CD2AP: variants seen among roughly 807,000 people sequenced by gnomAD.
CD2AP encodes the protein CD2 associated protein, also known as CD2-associated protein.
CD2AP carries 46 observed loss-of-function variants against 85.1 expected under a neutral mutation model. The observed-to-expected ratio is 0.54, with a 90% confidence interval of 0.43 to 0.69. The LOEUF (loss-of-function observed/expected upper bound fraction) is 0.69. Among genes scored for constraint, CD2AP ranks in the 30% least tolerant of loss-of-function variants. The probability of loss-of-function intolerance (pLI) is 0.00; values close to 1 mark genes in which losing one functional copy is unlikely to be tolerated. For missense variants in CD2AP, 769 were observed against 729.5 expected (o/e 1.05, Z -0.62); for synonymous variants, 255 against 252.9 (o/e 1.01, Z -0.08).
intron 17 of CD2AP, among the ~76,000 whole-genome samples, chr6:47,615,779 TTTAATTTAATTTAA>T (rs1769562286): frequency 9.3e-5 from 8 of 85,824 alleles, no homozygotes; most frequent in South Asian, 5.3e-4. Context: ...TAATTTTAAT[TTTAATTTAATTTAA>T]TTTATTTATT....
At chr6:47,566,323 TACAC>T (rs1428713911) in intron 5 of CD2AP, among the ~76,000 whole-genome samples, 45 of 108,260 alleles carry the variant, frequency 4.2e-4, no homozygotes, top group East Asian at 9.5e-4. Flanking sequence ...TATATATATA[TACAC>T]ATACACATAT....
At chr6:47,608,602 A>T (rs1014497095) in intron 15 of CD2AP, among the ~76,000 whole-genome samples, 1 of 152,154 alleles carries the variant, frequency 6.6e-6, no homozygotes, top group African/African-American at 2.4e-5. Flanking sequence ...AATACACTTA[A>T]TCTGATTCTC....
intron 5 of CD2AP, among the ~76,000 whole-genome samples, chr6:47,561,472 CTTTTT>C (rs200178991): frequency 6.9e-6 from 1 of 145,110 alleles, no homozygotes; most frequent in African/African-American, 2.5e-5. Context: ...TCAAGGCAAA[CTTTTT>C]TTTTTTTTAA....
Position 47,624,189 on chromosome 6 carries a change from G to GA in CD2AP, c.1885dup (p.Ile629AsnfsTer34). On this transcript the variant is annotated frameshift_variant, in exon 18 of 18. Transcript: ENST00000359314. LOFTEE classifies it high-confidence loss of function. ...CAATTTATGTTTTTTGTTTTAGATG[G>GA]AAATAGAGAAGCTGAAAAAAGCTGT... 1 of 1,609,870 alleles carries GA rather than the reference G, an allele frequency of 6.2e-7. No individual in the cohort carries two copies. The highest frequency in any genetic ancestry group is 8.5e-7 in the Non-Finnish European group (1 of 1,176,336).
At chr6:47,607,485 A>G (rs1245808603) in intron 14 of CD2AP, among the ~76,000 whole-genome samples, 1 of 152,122 alleles carries the variant, frequency 6.6e-6, no homozygotes, top group African/African-American at 2.4e-5. Flanking sequence ...TCTTTTGGAT[A>G]AAAACCATTT....
chr6:47,518,545 C>T (rs1766508718), intron 2 of CD2AP, among the ~76,000 whole-genome samples: 1 of 152,068 alleles, frequency 6.6e-6, no homozygotes. Flanking sequence ...CTCTTTTTAC[C>T]TGTTGGTGGA....
chr6:47,512,902 C>T lies in CD2AP; in HGVS notation c.165+9462C>T, dbSNP rs566070169. ...ACACTTACATAATTGTTTCACATTGCACCTTTTCTTTATATTTAATGTGAG... is the reference window on the plus strand; with the variant it reads ...ACACTTACATAATTGTTTCACATTGTACCTTTTCTTTATATTTAATGTGAG... On this transcript the variant is annotated intron_variant, in intron 2 of 17. Coordinates refer to ENST00000359314, the MANE Select transcript of CD2AP (RefSeq NM_012120.3). 2.6e-5 allele frequency among the ~76,000 whole-genome samples: 4 copies of T among 152,282 alleles called. No homozygotes were observed. In the East Asian group the frequency reaches 7.7e-4, roughly 29 times the overall value.
intron 1 of CD2AP, 62 bp downstream of exon 1, chr6:47,478,310 C>T (rs1765357975): frequency 1.9e-6 from 3 of 1,550,236 alleles, no homozygotes; most frequent in Admixed American, 1.9e-5. Context: ...GAGGCTGTGC[C>T]CTTTCTCGGC....
chr6:47,582,195 T>C, intron 11 of CD2AP, 130 bp downstream of exon 11: 1 of 663,384 alleles, frequency 1.5e-6, no homozygotes, highest in Non-Finnish European at 2.8e-6. Context: ...TAACAATGCT[T>C]GGAGTTTTCT....
intron 4 of CD2AP, chr6:47,545,065 A>G: frequency 5.2e-6 from 1 of 193,954 alleles, no homozygotes; most frequent in South Asian, 9.6e-5. Context: ...CCTTGTTTGA[A>G]TTATCACATT....
At chr6:47,555,180 T>A (rs926958611) in intron 5 of CD2AP, among the ~76,000 whole-genome samples, 1 of 152,218 alleles carries the variant, frequency 6.6e-6, no homozygotes, top group Non-Finnish European at 1.5e-5. Context: ...ATTTTGTTTA[T>A]TCTGGGCAGC....
At chr6:47,532,721 C>T (rs1002396958) in intron 2 of CD2AP, among the ~76,000 whole-genome samples, 5 of 152,136 alleles carry the variant, frequency 3.3e-5, no homozygotes, top group Middle Eastern at 3.2e-3. Context: ...GAAGTATTTT[C>T]ACTGTTCTTA....
intron 1 of CD2AP, among the ~76,000 whole-genome samples, chr6:47,479,777 A>T (rs970425005): frequency 6.6e-6 from 1 of 152,204 alleles, no homozygotes; most frequent in African/African-American, 2.4e-5. Flanking sequence ...TTTTGAGCTA[A>T]ATTCTAAATA....
At chr6:47,601,753 C>T (rs1462086429) in intron 13 of CD2AP, among the ~76,000 whole-genome samples, 8 of 151,854 alleles carry the variant, frequency 5.3e-5, no homozygotes. Flanking sequence ...TGAAACTAGC[C>T]TTTTTAATAT....
In CD2AP at chr6:47,588,852, T is replaced by C. The variant is rs76482258; in HGVS notation, c.1108+6787T>C. On this transcript the variant is annotated intron_variant, in intron 11 of 17. Transcript: ENST00000359314. ...GGAAAACCTCTCCCCAACCATAGAATGTAAGTCCTTTCAGTTTCTTGGACC... is the reference window on the plus strand; with the variant it reads ...GGAAAACCTCTCCCCAACCATAGAACGTAAGTCCTTTCAGTTTCTTGGACC... 9.0e-3 allele frequency among the ~76,000 whole-genome samples: 1,371 copies of C among 152,200 alleles called. 22 individuals carry two copies. Among genetic ancestry groups the C allele is most frequent in the African/African-American group, 0.031 (1,299 of 41,546 alleles).
In CD2AP at chr6:47,609,143, A is replaced by T; in HGVS notation, c.1653A>T (p.Thr551=). The T allele has an allele frequency of 6.2e-7, 1 of 1,613,212 alleles. No homozygotes were observed. Among genetic ancestry groups the T allele is most frequent in the East Asian group, 2.2e-5 (1 of 44,798 alleles). The change falls in exon 16 of 18, where the codon ACA becomes ACT. Residue 551 remains threonine, a synonymous_variant. Transcript: ENST00000359314. ...TTCAGCCATCTGTGTACCTTTCAAC[A>T]CCTTCCAGTGCTTCTAAAGCAAATA... ...YSPKPSVYLS[T]PSSASKANTT...
At position 47,548,238 on chromosome 6, in the gene CD2AP, A is replaced by G. The variant is rs1767418177; in HGVS notation, c.420+3532A>G. 2.6e-5 allele frequency among the ~76,000 whole-genome samples: 4 copies of G among 152,128 alleles called. 1 individual carries two copies. In the South Asian group the frequency reaches 8.3e-4, roughly 32 times the overall value. On this transcript the variant is annotated intron_variant, in intron 4 of 17. Transcript: ENST00000359314. ...CTAAGTGAAATTGGAACAAACAGAA[A>G]ATACAAAAGATAAATGAAACAAAAA...
At chr6:47,488,723 CA>C (rs57570487) in intron 1 of CD2AP, among the ~76,000 whole-genome samples, 31 of 133,688 alleles carry the variant, frequency 2.3e-4, no homozygotes, top group Middle Eastern at 3.9e-3. Context: ...TCCATCTCTC[CA>C]AAAAAAAAAA....
rs1183161292 is a variant in CD2AP, at chr6:47,505,962, A to C, written c.165+2522A>C. Among the ~76,000 whole-genome samples the C allele has an allele frequency of 6.7e-5, 5 of 74,566 alleles. No homozygotes were observed. In the East Asian group the frequency reaches 1.4e-3, roughly 21 times the overall value. The allele number at this position is 74,566 out of a possible 152,430, so 48.9% of individuals were successfully genotyped here. ...CGGGCGGAGACGCTCCTCACTTCCC[A>C]GATGGGGTGGCTGCCGGGCGGAGAG... On this transcript the variant is annotated intron_variant, in intron 2 of 17. Coordinates refer to ENST00000359314, the MANE Select transcript of CD2AP (RefSeq NM_012120.3).
Sources: gnomAD v4.1 joint callset for allele counts (sites outside exome capture counted in the v4.1 genomes callset) on GRCh38, gnomAD v4.1.1 for gene constraint, MANE v1.5 for transcripts, NCBI Gene and HGNC (gene_info 2026-07-23, HGNC 2026-07-21) for gene names.